KCNK2: variants seen among roughly 807,000 people sequenced by gnomAD.
KCNK2 encodes the protein potassium two pore domain channel subfamily K member 2, also known as potassium channel subfamily K member 2.
Under a neutral mutation model 40.5 loss-of-function variants are expected in KCNK2, and 21 were observed. The ratio of observed to expected loss-of-function variants is 0.52; its 90% CI spans 0.37 to 0.75. The LOEUF is 0.75. Among genes scored for constraint, KCNK2 ranks in the 30% least tolerant of loss-of-function variants. The probability of loss-of-function intolerance (pLI) is 0.00; values close to 1 mark genes in which losing one functional copy is unlikely to be tolerated. For missense variants in KCNK2, 399 were observed against 531.6 expected, an observed-to-expected ratio of 0.75 and a Z score of 2.45; for synonymous variants, 191 against 202.2, an observed-to-expected ratio of 0.94 and a Z score of 0.47.
At chr1:215,113,968 C>G (rs1178794559) in intron 2 of KCNK2, among the ~76,000 whole-genome samples, 1 of 152,126 alleles carries the variant, frequency 6.6e-6, no homozygotes, top group African/African-American at 2.4e-5. Flanking sequence ...TTAGTCATCT[C>G]CTAATGCCCA....
At chr1:215,212,597 C>A (rs1665787530) in intron 6 of KCNK2, among the ~76,000 whole-genome samples, 1 of 152,134 alleles carries the variant, frequency 6.6e-6, no homozygotes, top group African/African-American at 2.4e-5. Flanking sequence ...CACTATGGTT[C>A]TCTAAATGAG....
chr1:215,189,012 C>G (rs1300544745), intron 5 of KCNK2, among the ~76,000 whole-genome samples: 1 of 152,166 alleles, frequency 6.6e-6, no homozygotes, highest in Admixed American at 6.5e-5. Flanking sequence ...CCAGGAGCAA[C>G]AACTAAGTAG....
intron 3 of KCNK2, among the ~76,000 whole-genome samples, chr1:215,126,298 A>G (rs1661435216): frequency 1.3e-5 from 2 of 152,130 alleles, no homozygotes; most frequent in Non-Finnish European, 2.9e-5. Flanking sequence ...GCCTTTTTTA[A>G]GAGGTCAAGA....
At chr1:215,153,056 A>G (rs190805270) in intron 3 of KCNK2, among the ~76,000 whole-genome samples, 10 of 152,334 alleles carry the variant, frequency 6.6e-5, no homozygotes, top group African/African-American at 2.4e-4. Flanking sequence ...GCACCCAACA[A>G]GTCTAAACAG....
chr1:215,098,742 T>C (rs777205117), intron 2 of KCNK2, among the ~76,000 whole-genome samples: 33 of 152,100 alleles, frequency 2.2e-4, no homozygotes, highest in Middle Eastern at 3.4e-3. Flanking sequence ...CTTTCAGTCT[T>C]TGTAGATAAT....
chr1:215,218,196 G>A (rs1247403873), intron 6 of KCNK2, among the ~76,000 whole-genome samples: 1 of 152,152 alleles, frequency 6.6e-6, no homozygotes, highest in Non-Finnish European at 1.5e-5. Flanking sequence ...AATGATTAGA[G>A]TTGTGGTCAG....
chr1:215,114,670 C>T lies in KCNK2; in HGVS notation c.358-9963C>T, dbSNP rs76212834. The stretch of plus-strand genomic sequence containing the variant: ...GCTGTCTTGATTTTGTGACATTGAG[C>T]CAAGAAATATAAACATATTAAACAG... On this transcript the variant is annotated intron_variant, in intron 2 of 6. Transcript: ENST00000444842. 5.8e-3 allele frequency among the ~76,000 whole-genome samples: 877 copies of T among 152,074 alleles called. 1 individual carries two copies. Among genetic ancestry groups the T allele is most frequent in the Middle Eastern group, 0.017 (5 of 294 alleles).
At chr1:215,066,359 A>G (rs1483233185) in intron 1 of KCNK2, among the ~76,000 whole-genome samples, 1 of 152,234 alleles carries the variant, frequency 6.6e-6, no homozygotes, top group Admixed American at 6.5e-5. Flanking sequence ...TAACTGTTTA[A>G]AAGTCTACCA....
chr1:215,037,044 G>T (rs1657412395), intron 1 of KCNK2, among the ~76,000 whole-genome samples: 1 of 128,920 alleles, frequency 7.8e-6, no homozygotes, highest in Non-Finnish European at 1.6e-5. Context: ...TAAAATCCCA[G>T]TCCAATATTG....
intron 6 of KCNK2, among the ~76,000 whole-genome samples, chr1:215,229,429 T>C (rs1419111491): frequency 6.6e-6 from 1 of 152,024 alleles, no homozygotes; most frequent in Non-Finnish European, 1.5e-5. Context: ...TTTAGGAGGC[T>C]AAGGCAGGAG....
upstream of KCNK2, among the ~76,000 whole-genome samples, chr1:215,078,693 A>G (rs2102520917): frequency 6.6e-6 from 1 of 152,278 alleles, no homozygotes; most frequent in Middle Eastern, 3.4e-3. Context: ...ACAGAGCCAA[A>G]CCATATCAGG....
intron 1 of KCNK2, among the ~76,000 whole-genome samples, chr1:215,009,508 A>C (rs192247898): frequency 6.6e-6 from 1 of 152,028 alleles, no homozygotes; most frequent in Admixed American, 6.6e-5. Context: ...TGTTTACTTC[A>C]TTTGCTGCAT....
chr1:215,011,747 A>G (rs1209368590), intron 1 of KCNK2, among the ~76,000 whole-genome samples: 1 of 152,102 alleles, frequency 6.6e-6, no homozygotes, highest in Admixed American at 6.5e-5. Context: ...CTGGGACTAC[A>G]GGCGCGTGCT....
chr1:215,031,233 A>T (rs887398995), intron 1 of KCNK2, among the ~76,000 whole-genome samples: 2 of 152,134 alleles, frequency 1.3e-5, no homozygotes, highest in African/African-American at 4.8e-5. Flanking sequence ...TTGCATCACC[A>T]TATAAACTTA....
At chr1:215,022,136 T>TAATC (rs1553255822) in intron 1 of KCNK2, among the ~76,000 whole-genome samples, 1 of 151,056 alleles carries the variant, frequency 6.6e-6, no homozygotes, top group South Asian at 2.1e-4. Context: ...TCTAATCATC[T>TAATC]ATCTATCTAA....
Position 215,231,965 on chromosome 1 carries a change from G to A in KCNK2, c.964-2863G>A, listed in dbSNP as rs148027694. 5.5e-3 allele frequency among the ~76,000 whole-genome samples: 833 copies of A among 152,204 alleles called. 3 individuals are homozygous for A. Among genetic ancestry groups the A allele is most frequent in the Middle Eastern group, 0.031 (9 of 294 alleles). ...CAACACGGGAAAGACCCACCCCAGT[G>A]ATTCAATTACCTCCCACCAGGTCCC... On this transcript the variant is annotated intron_variant, in intron 6 of 6. Transcript: ENST00000444842.
upstream of KCNK2, among the ~76,000 whole-genome samples, chr1:215,081,284 A>C (rs1190094685): frequency 2.0e-5 from 3 of 151,964 alleles, no homozygotes; most frequent in Non-Finnish European, 4.4e-5. Flanking sequence ...GCACTGAGGG[A>C]AGGTAACTGC....
chr1:215,029,631 A>G (rs1356776636), intron 1 of KCNK2, among the ~76,000 whole-genome samples: 1 of 147,698 alleles, frequency 6.8e-6, no homozygotes, highest in Non-Finnish European at 1.5e-5. Flanking sequence ...ATATATGAAT[A>G]TAAATATTGA....
rs1269299365 is a variant in KCNK2, at chr1:215,154,427, G to GGT, written c.476-14772_476-14771insGT. Among the ~76,000 whole-genome samples the GGT allele has an allele frequency of 7.6e-3, 1,136 of 149,190 alleles. 16 individuals carry two copies. The highest frequency in any genetic ancestry group is 0.026 in the African/African-American group (1,069 of 40,398). On this transcript the variant is annotated intron_variant, in intron 3 of 6. Coordinates refer to ENST00000444842, the MANE Select transcript of KCNK2 (RefSeq NM_001017425.3). ...AGTGTCTTTGCCCACTTTTTGATGG[G>GGT]TTTTTTTTTTTCTTGTAAATTTGTT... is the stretch of plus-strand genomic sequence containing the variant.
Sources: gnomAD v4.1 joint callset for allele counts (sites outside exome capture counted in the v4.1 genomes callset) on GRCh38, gnomAD v4.1.1 for gene constraint, MANE v1.5 for transcripts, NCBI Gene and HGNC (gene_info 2026-07-23, HGNC 2026-07-21) for gene names.